The following ZHX2 variants were observed in gnomAD, a reference collection of about 807,000 sequenced individuals.
ZHX2 encodes the protein zinc fingers and homeoboxes 2, also known as zinc fingers and homeoboxes protein 2.
In ZHX2, 6 loss-of-function variants were observed where a neutral mutation model predicts 21.9. The observed-to-expected ratio is 0.27, with a 90% CI of 0.15 to 0.54. ZHX2 has a LOEUF of 0.54. Ranked by LOEUF, ZHX2 falls within the 20% of genes least tolerant of loss-of-function variation. The pLI is 0.95. For synonymous variants in ZHX2, 434 were observed against 437.1 expected (o/e 0.99, Z 0.09); for missense variants, 908 against 1,090.7 (o/e 0.83, Z 2.36).
chr8:122,792,633 C>G (rs1320063022), intron 1 of ZHX2, among the ~76,000 whole-genome samples: 4 of 152,106 alleles, frequency 2.6e-5, no homozygotes, highest in African/African-American at 7.2e-5. Flanking sequence ...CTCTGTCCAC[C>G]CTTGGTATTG....
intron 3 of ZHX2, among the ~76,000 whole-genome samples, chr8:122,965,546 T>G (rs1813559463): frequency 6.6e-6 from 1 of 152,228 alleles, no homozygotes; most frequent in African/African-American, 2.4e-5. Context: ...TTAAATTTAT[T>G]AAGACTTGTT....
At chr8:122,818,965 C>T (rs551384131) in intron 1 of ZHX2, among the ~76,000 whole-genome samples, 42 of 152,164 alleles carry the variant, frequency 2.8e-4, no homozygotes, top group Non-Finnish European at 5.3e-4. Context: ...GCAGATAGAC[C>T]GCGTCCTTAG....
intron 2 of ZHX2, among the ~76,000 whole-genome samples, chr8:122,936,593 T>C (rs1416604916): frequency 6.6e-6 from 1 of 152,224 alleles, no homozygotes; most frequent in Non-Finnish European, 1.5e-5. Context: ...CCTGAAACTC[T>C]GTCTGTCGGG....
intron 1 of ZHX2, among the ~76,000 whole-genome samples, chr8:122,860,925 C>T (rs533621351): frequency 1.3e-5 from 2 of 150,220 alleles, no homozygotes; most frequent in African/African-American, 2.5e-5. Context: ...CCCAGCTACT[C>T]GGGAGGCTGA....
intron 2 of ZHX2, among the ~76,000 whole-genome samples, chr8:122,891,184 T>A (rs182835508): frequency 9.7e-4 from 147 of 152,232 alleles, no homozygotes; most frequent in African/African-American, 3.4e-3. Flanking sequence ...AGGCTTTTCT[T>A]TGTTGGGAGA....
chr8:122,910,273 C>T (rs1313079925), intron 2 of ZHX2, among the ~76,000 whole-genome samples: 3 of 152,084 alleles, frequency 2.0e-5, no homozygotes, highest in Admixed American at 6.5e-5. Context: ...AAGTAGGTCT[C>T]GGCATTATCT....
intron 1 of ZHX2, among the ~76,000 whole-genome samples, chr8:122,808,245 A>G (rs987116521): frequency 6.6e-6 from 1 of 152,204 alleles, no homozygotes; most frequent in Admixed American, 6.5e-5. Context: ...CAACAGCAAT[A>G]CTAGTGTCTT....
chr8:122,796,746 C>T (rs1586575561), intron 1 of ZHX2, among the ~76,000 whole-genome samples: 1 of 152,152 alleles, frequency 6.6e-6, no homozygotes. Context: ...AAGGTGGTGG[C>T]TTAGGGACCT....
chr8:122,963,851 G>A (rs1813515574), intron 3 of ZHX2, among the ~76,000 whole-genome samples: 4 of 142,468 alleles, frequency 2.8e-5, no homozygotes, highest in Admixed American at 2.2e-4. Flanking sequence ...CTTTTGTTAG[G>A]TATATTCCTA....
At position 122,840,307 on chromosome 8, in the gene ZHX2, A is replaced by G. The variant is rs191070676; in HGVS notation, c.-282-23170A>G. ...CTAACTGTGGAAATACAGACTTCCAAGTTTGGTAGAGTGTCGTGGGAAAGA... is the reference window on the plus strand; with the variant it reads ...CTAACTGTGGAAATACAGACTTCCAGGTTTGGTAGAGTGTCGTGGGAAAGA... On this transcript the variant is annotated intron_variant, in intron 1 of 3. Transcript: ENST00000314393. 9.9e-5 allele frequency among the ~76,000 whole-genome samples: 15 copies of G among 152,284 alleles called. No homozygotes were observed. The East Asian group carries it at 2.9e-3, about 29-fold the overall frequency.
At chr8:122,913,129 G>A (rs1820519940) in intron 2 of ZHX2, among the ~76,000 whole-genome samples, 1 of 152,268 alleles carries the variant, frequency 6.6e-6, no homozygotes, top group South Asian at 2.1e-4. Context: ...AGAATAAGTG[G>A]TCTTTCATGA....
intron 1 of ZHX2, among the ~76,000 whole-genome samples, chr8:122,841,050 C>T (rs867884224): frequency 3.3e-5 from 5 of 152,334 alleles, no homozygotes; most frequent in Middle Eastern, 3.4e-3. Context: ...TTGTTTCGAA[C>T]ACTGAGCATT....
intron 1 of ZHX2, among the ~76,000 whole-genome samples, chr8:122,823,019 T>G (rs1431483984): frequency 2.6e-5 from 4 of 152,240 alleles, no homozygotes; most frequent in Non-Finnish European, 5.9e-5. Flanking sequence ...GTATGTTTTC[T>G]GTAAAATTCC....
intron 2 of ZHX2, among the ~76,000 whole-genome samples, chr8:122,887,067 G>GTGTGTT (rs1819860492): frequency 1.3e-5 from 2 of 151,400 alleles, no homozygotes; most frequent in African/African-American, 4.9e-5. Flanking sequence ...GTGTGTGTGT[G>GTGTGTT]TGTGTGTGTG....
intron 2 of ZHX2, among the ~76,000 whole-genome samples, chr8:122,908,193 C>CTTGG (rs1207509805): frequency 3.9e-5 from 6 of 151,968 alleles, no homozygotes. Flanking sequence ...CTGTAAAGTC[C>CTTGG]TTGGTTTGTT....
chr8:122,880,657 C>A (rs867505270), intron 2 of ZHX2, among the ~76,000 whole-genome samples: 2 of 151,894 alleles, frequency 1.3e-5, no homozygotes, highest in Non-Finnish European at 2.9e-5. Flanking sequence ...CACCTGTAAT[C>A]CCAGCTATTC....
At chr8:122,809,946 A>AG (rs1207672598) in intron 1 of ZHX2, among the ~76,000 whole-genome samples, 8 of 152,120 alleles carry the variant, frequency 5.3e-5, no homozygotes, top group East Asian at 1.9e-4. Flanking sequence ...GGGATTGGGT[A>AG]GGGGGGGTGG....
intron 2 of ZHX2, among the ~76,000 whole-genome samples, chr8:122,900,348 G>A (rs751405487): frequency 1.3e-5 from 2 of 152,182 alleles, no homozygotes; most frequent in East Asian, 3.8e-4. Context: ...AAGCAAGAGA[G>A]TCAGGGAGAT....
intron 1 of ZHX2, among the ~76,000 whole-genome samples, chr8:122,831,597 C>A (rs1008888497): frequency 2.0e-5 from 3 of 152,122 alleles, no homozygotes; most frequent in African/African-American, 7.2e-5. Flanking sequence ...TGGCCTTGCA[C>A]GGGTTGTAGG....
Sources: gnomAD v4.1 joint callset for allele counts (sites outside exome capture counted in the v4.1 genomes callset) on GRCh38, gnomAD v4.1.1 for gene constraint, MANE v1.5 for transcripts, NCBI Gene and HGNC (gene_info 2026-07-23, HGNC 2026-07-21) for gene names.